P3H2: variants seen among roughly 807,000 people sequenced by gnomAD.
The protein encoded by P3H2 is leprecan-like 1.
P3H2 carries 80 observed loss-of-function variants against 87.0 expected under a neutral mutation model. The ratio of observed to expected loss-of-function variants is 0.92; its 90% CI spans 0.77 to 1.11. The LOEUF (loss-of-function observed/expected upper bound fraction) is 1.11, where lower values mean the gene tolerates loss of function less well. P3H2 is among the 50% of genes least tolerant of loss of function. The pLI, the probability that P3H2 is intolerant of heterozygous loss-of-function variation, is 0.00. For missense variants in P3H2, 1,001 were observed against 923.9 expected (o/e 1.08, Z -1.08); for synonymous variants, 367 against 359.3 (o/e 1.02, Z -0.24).
At chr3:190,018,540 C>T (rs945737626) in intron 1 of P3H2, among the ~76,000 whole-genome samples, 1 of 151,880 alleles carries the variant, frequency 6.6e-6, no homozygotes, top group African/African-American at 2.4e-5. Flanking sequence ...AGACCACTGT[C>T]TCTATAAAAA....
chr3:190,066,264 G>A (rs1726502055), intron 1 of P3H2, among the ~76,000 whole-genome samples: 1 of 151,496 alleles, frequency 6.6e-6, no homozygotes, highest in Admixed American at 6.6e-5. Context: ...ATATATATAT[G>A]TGGTATATAC....
chr3:189,970,408 C>T (rs916633586), intron 13 of P3H2, among the ~76,000 whole-genome samples: 2 of 150,542 alleles, frequency 1.3e-5, no homozygotes, highest in Non-Finnish European at 3.0e-5. Flanking sequence ...GGCCAATGCT[C>T]AGTCCAAGTA....
intron 1 of P3H2, among the ~76,000 whole-genome samples, chr3:190,025,592 T>G (rs908301935): frequency 2.0e-4 from 31 of 152,310 alleles, no homozygotes; most frequent in African/African-American, 7.5e-4. Context: ...CTTAGAACTC[T>G]CCTTTGCATA....
At chr3:190,114,870 C>A (rs1422534189) in intron 1 of P3H2, among the ~76,000 whole-genome samples, 1 of 152,184 alleles carries the variant, frequency 6.6e-6, no homozygotes, top group Non-Finnish European at 1.5e-5. Flanking sequence ...ACATATTCTA[C>A]AAATAGGTAA....
At chr3:189,972,100 T>C in intron 11 of P3H2, 93 bp from the exon 12 acceptor site, 1 of 810,568 alleles carries the variant, frequency 1.2e-6, no homozygotes, top group Non-Finnish European at 2.2e-6. Context: ...GTCCTGATGA[T>C]CTTTGCAAAT....
chr3:189,979,536 T>C (rs1231106274), intron 8 of P3H2, among the ~76,000 whole-genome samples: 2 of 152,282 alleles, frequency 1.3e-5, no homozygotes, highest in East Asian at 3.9e-4. Context: ...TCACTAGATC[T>C]TCATCACTGT....
intron 1 of P3H2, among the ~76,000 whole-genome samples, chr3:190,013,805 A>C (rs1724669098): frequency 6.6e-6 from 1 of 152,218 alleles, no homozygotes; most frequent in South Asian, 2.1e-4. Flanking sequence ...CCTCCACGAG[A>C]GAAGAAAATC....
chr3:189,989,821 C>T (rs1723823753), intron 3 of P3H2, among the ~76,000 whole-genome samples: 1 of 152,166 alleles, frequency 6.6e-6, no homozygotes, highest in Non-Finnish European at 1.5e-5. Flanking sequence ...GTGTTAGGGT[C>T]TTCATGCCAC....
chr3:190,074,566 A>G (rs1488237161), intron 1 of P3H2, among the ~76,000 whole-genome samples: 1 of 152,148 alleles, frequency 6.6e-6, no homozygotes, highest in Non-Finnish European at 1.5e-5. Context: ...TTTCACACCA[A>G]AAGCATCACT....
chr3:190,112,094 A>C (rs896622728), intron 1 of P3H2, among the ~76,000 whole-genome samples: 1 of 152,196 alleles, frequency 6.6e-6, no homozygotes, highest in Non-Finnish European at 1.5e-5. Flanking sequence ...GAAATCCTCT[A>C]TATTAGATGT....
intron 1 of P3H2, among the ~76,000 whole-genome samples, chr3:189,999,189 T>C (rs1432133818): frequency 6.6e-6 from 1 of 152,234 alleles, no homozygotes; most frequent in East Asian, 1.9e-4. Flanking sequence ...TTGAAAACAG[T>C]CAATGTCAAC....
intron 1 of P3H2, among the ~76,000 whole-genome samples, chr3:190,055,108 A>G (rs1015800823): frequency 4.6e-5 from 7 of 152,160 alleles, no homozygotes; most frequent in African/African-American, 1.7e-4. Context: ...GTCTTCCCCA[A>G]TAGAAACAGG....
intron 8 of P3H2, among the ~76,000 whole-genome samples, chr3:189,979,450 T>C (rs1456458974): frequency 6.6e-6 from 1 of 151,848 alleles, no homozygotes; most frequent in Non-Finnish European, 1.5e-5. Context: ...AAAGAAGAAC[T>C]TTTTATGTTT....
intron 5 of P3H2, 149 bp downstream of exon 5, chr3:189,987,378 C>G (rs941777269): frequency 1.8e-5 from 15 of 811,554 alleles, no homozygotes; most frequent in Non-Finnish European, 2.7e-5. Flanking sequence ...ACTAGGGAGG[C>G]TGAGGCAGGA....
At chr3:190,102,498 A>G (rs1295509081) in intron 1 of P3H2, among the ~76,000 whole-genome samples, 1 of 152,234 alleles carries the variant, frequency 6.6e-6, no homozygotes, top group East Asian at 1.9e-4. Context: ...AGTGTGGTAG[A>G]AATAGCAAGA....
intron 1 of P3H2, among the ~76,000 whole-genome samples, chr3:190,042,567 T>C (rs1224584819): frequency 1.3e-5 from 2 of 152,210 alleles, no homozygotes; most frequent in African/African-American, 4.8e-5. Flanking sequence ...GTTAGTATAT[T>C]TGTAATAAAA....
At chr3:190,048,224 G>A (rs963022466) in intron 1 of P3H2, among the ~76,000 whole-genome samples, 2 of 152,146 alleles carry the variant, frequency 1.3e-5, no homozygotes, top group Admixed American at 6.5e-5. Context: ...AGCCGGGTGT[G>A]GTGGTTGACA....
intron 6 of P3H2, 86 bp from the exon 7 acceptor site, chr3:189,984,676 C>A: frequency 1.1e-6 from 1 of 891,348 alleles, no homozygotes; most frequent in Non-Finnish European, 1.9e-6. Flanking sequence ...AAAATATGCA[C>A]AAAACATTCA....
intron 1 of P3H2, among the ~76,000 whole-genome samples, chr3:190,118,622 C>T (rs558444019): frequency 6.6e-6 from 1 of 152,028 alleles, no homozygotes; most frequent in African/African-American, 2.4e-5. Flanking sequence ...GTCCAGTGAA[C>T]TCCAACACCT....
Sources: gnomAD v4.1 joint callset for allele counts (sites outside exome capture counted in the v4.1 genomes callset) on GRCh38, gnomAD v4.1.1 for gene constraint, MANE v1.5 for transcripts, NCBI Gene and HGNC (gene_info 2026-07-23, HGNC 2026-07-21) for gene names.